Variants in USP9X observed in about 807,000 individuals in gnomAD.
The protein encoded by USP9X is ubiquitin carboxyl-terminal hydrolase 9X.
A neutral mutation model predicts 190.3 loss-of-function variants in USP9X; 7 were observed. The ratio of observed to expected loss-of-function variants is 0.04; its 90% CI spans 0.02 to 0.07. The LOEUF is 0.07. Ranked by LOEUF, USP9X falls within the 10% of genes least tolerant of loss-of-function variation. The probability of loss-of-function intolerance (pLI) is 1.00; values close to 1 mark genes in which losing one functional copy is unlikely to be tolerated. For missense variants in USP9X, 1,010 were observed against 1,916.9 expected (o/e 0.53, Z 8.83); for synonymous variants, 645 against 659.5 (o/e 0.98, Z 0.34).
chrX:41,189,204 A>G, intron 25 of USP9X, 105 bp from the exon 26 acceptor site: 1 of 788,018 alleles, frequency 1.3e-6, no homozygotes, highest in South Asian at 2.8e-5. Context: ...GGCTGAGGCC[A>G]GGTGGTTTAA....
intron 29 of USP9X, 129 bp from the exon 30 acceptor site, chrX:41,198,399 A>C: frequency 3.0e-6 from 1 of 331,378 alleles, no homozygotes; most frequent in South Asian, 7.7e-5. Context: ...AGAAAATCTG[A>C]GTTTTCTGAG....
intron 1 of USP9X, among the ~76,000 whole-genome samples, chrX:41,098,785 A>C (rs111760003): frequency 1.0e-3 from 112 of 106,990 alleles, no homozygotes; most frequent in African/African-American, 3.7e-3. Context: ...CGAACTGCTG[A>C]CTGCCTGCCT....
chrX:41,121,157 A>C (rs1340493741), intron 1 of USP9X, among the ~76,000 whole-genome samples: 2 of 111,247 alleles, frequency 1.8e-5, no homozygotes, highest in Non-Finnish European at 3.8e-5. Context: ...TTTTAAACAT[A>C]TTCCTCTAGC....
At chrX:41,163,648 G>A (rs1450595118) in intron 15 of USP9X, among the ~76,000 whole-genome samples, 1 of 108,613 alleles carries the variant, frequency 9.2e-6, no homozygotes, top group African/African-American at 3.4e-5. Flanking sequence ...GGGTACTCGG[G>A]AGGCTGGGGT....
chrX:41,232,557 G>A lies in USP9X; in HGVS notation c.*33G>A. The A allele has an allele frequency of 2.5e-6, 3 of 1,184,807 alleles. No individual in the cohort carries two copies. The highest frequency in any genetic ancestry group is 3.4e-6 in the Non-Finnish European group (3 of 880,459). The stretch of plus-strand genomic sequence containing the variant: ...ATAATTAACTGGTTCCATCAAGACT[G>A]TGCACCCAGGCCTTACAGTCCAACC... On this transcript the variant is annotated 3_prime_UTR_variant, in exon 45 of 45. Transcript: ENST00000378308.
chrX:41,166,716 T>G (rs1235712559), intron 16 of USP9X, among the ~76,000 whole-genome samples: 1 of 112,190 alleles, frequency 8.9e-6, no homozygotes, highest in Non-Finnish European at 1.9e-5. Flanking sequence ...TACTACTCTA[T>G]TATGCCTATC....
At chrX:41,111,287 A>G (rs181876225) in intron 1 of USP9X, among the ~76,000 whole-genome samples, 5 of 111,793 alleles carry the variant, frequency 4.5e-5, no homozygotes, top group African/African-American at 9.7e-5. Context: ...GAAGATTGCT[A>G]TCTGTAAACC....
At chrX:41,114,199 A>G (rs1173534131) in intron 1 of USP9X, among the ~76,000 whole-genome samples, 1 of 112,285 alleles carries the variant, frequency 8.9e-6, no homozygotes, top group Non-Finnish European at 1.9e-5. Flanking sequence ...TAAACCTTGA[A>G]TAACATTACG....
Position 41,225,033 on chromosome X carries a change from TCTTA to T in USP9X, c.6973-12_6973-9del, listed in dbSNP as rs2063300509. 1.7e-6 allele frequency: 2 copies of T among 1,210,161 alleles called. No individual in the cohort carries two copies. Among genetic ancestry groups the T allele is most frequent in the Non-Finnish European group, 2.2e-6 (2 of 894,137 alleles). ...TCCTTTCATTAAGTTACTCACCATG[TCTTA>T]CTTGTTTTTAGGTTGCATATTCCTA... On this transcript the variant is annotated splice_polypyrimidine_tract_variant and intron_variant, in intron 40 of 44. Transcript: ENST00000378308.
intron 1 of USP9X, among the ~76,000 whole-genome samples, chrX:41,104,674 CCAG>C (rs1316195109): frequency 9.0e-6 from 1 of 111,570 alleles, no homozygotes; most frequent in Non-Finnish European, 1.9e-5. Context: ...AGAGGAATAA[CCAG>C]CACTTGTTAA....
At chrX:41,157,081 T>C (rs886336653) in intron 14 of USP9X, among the ~76,000 whole-genome samples, 4 of 111,792 alleles carry the variant, frequency 3.6e-5, no homozygotes, top group African/African-American at 1.3e-4. Flanking sequence ...CCAAGCTTCA[T>C]GTCAATCCGT....
chrX:41,154,490 TGTG>T (rs1386804321), intron 14 of USP9X, among the ~76,000 whole-genome samples: 1 of 111,914 alleles, frequency 8.9e-6, no homozygotes, highest in Non-Finnish European at 1.9e-5. Flanking sequence ...TTCATTTGCA[TGTG>T]GTGTTTAATT....
At chrX:41,197,331 TC>T (rs747033378) in intron 28 of USP9X, 32 bp from the exon 29 acceptor site, 246 of 485,708 alleles carry the variant, frequency 5.1e-4, no homozygotes, top group Admixed American at 1.2e-3. Context: ...TTTGATTTCT[TC>T]CCCCCCCCAC....
At chrX:41,187,937 A>T in intron 24 of USP9X, 55 bp from the exon 25 acceptor site, 1 of 1,146,828 alleles carries the variant, frequency 8.7e-7, no homozygotes, top group Non-Finnish European at 1.2e-6. Context: ...TTGTTTTTCT[A>T]AACATAATTT....
chrX:41,099,880 C>T (rs1401194484), intron 1 of USP9X, among the ~76,000 whole-genome samples: 1 of 111,225 alleles, frequency 9.0e-6, no homozygotes, highest in East Asian at 2.8e-4. Context: ...GCTTGTAATC[C>T]CTTTTCTGAG....
At chrX:41,149,307 A>G (rs1198134424) in intron 12 of USP9X, among the ~76,000 whole-genome samples, 1 of 111,843 alleles carries the variant, frequency 8.9e-6, no homozygotes, top group Admixed American at 9.5e-5. Context: ...TACATTTGCT[A>G]TCAGGGCTTT....
Position 41,144,650 on chromosome X carries a change from T to C in USP9X, c.1419+24T>C, listed in dbSNP as rs141597003. 565 of 1,078,317 alleles carry C rather than the reference T, an allele frequency of 5.2e-4. 1 individual carries two copies. The African/African-American group carries it at 8.3e-3, about 16-fold the overall frequency. 88.9% of individuals were successfully genotyped at this position (1,078,317 alleles called of 1,213,427 possible). On this transcript the variant is annotated intron_variant, in intron 11 of 44. Coordinates refer to ENST00000378308, the MANE Select transcript of USP9X (RefSeq NM_001039591.3). ...AGGTAATTGTTAACATAGCAAAATA[T>C]TACCATTCTATTTCAAATAGAATTG...
intron 1 of USP9X, among the ~76,000 whole-genome samples, chrX:41,103,455 A>G (rs1187535411): frequency 8.9e-6 from 1 of 111,992 alleles, no homozygotes; most frequent in Non-Finnish European, 1.9e-5. Flanking sequence ...ATGATGTCAC[A>G]GGATACTATG....
Position 41,171,888 on chromosome X carries a change from C to T in USP9X, c.3078C>T (p.Asp1026=), listed in dbSNP as rs1323462150. 1 of 1,210,438 alleles carries T rather than the reference C, an allele frequency of 8.3e-7. No homozygotes were observed. The highest frequency in any genetic ancestry group is 2.2e-5 in the Admixed American group (1 of 45,995). Residue 1026 remains aspartate, a synonymous_variant, in exon 21 of 45, where the codon GAC becomes GAT. Transcript: ENST00000378308. The part of the protein sequence containing the change: ...RYISFLWQVA[D]LGSSLNMPPL... ...TCTCTTTTCTTTGGCAAGTTGCAGA[C>T]TTAGGTAGCAGCCTAAATATGCCAC...
Sources: gnomAD v4.1 joint callset for allele counts (sites outside exome capture counted in the v4.1 genomes callset) on GRCh38, gnomAD v4.1.1 for gene constraint, MANE v1.5 for transcripts, NCBI Gene and HGNC (gene_info 2026-07-23, HGNC 2026-07-21) for gene names.